The following PCDHA4 variants were observed in gnomAD, a reference collection of about 807,000 sequenced individuals.
PCDHA4 encodes protocadherin alpha-4.
PCDHA4 carries 49 observed loss-of-function variants against 61.4 expected under a neutral mutation model. That is an observed-to-expected ratio of 0.80 (90% confidence interval 0.63 to 1.01). The LOEUF is 1.01. Among genes scored for constraint, PCDHA4 ranks in the 50% least tolerant of loss-of-function variants. PCDHA4 has a pLI of 0.00. For synonymous variants in PCDHA4, 590 were observed against 550.3 expected, an observed-to-expected ratio of 1.07 and a Z score of -1.01; for missense variants, 1,254 against 1,235.8, an observed-to-expected ratio of 1.01 and a Z score of -0.22.
chr5:140,992,116 T>A (rs1279382326), intron 3 of PCDHA4, among the ~76,000 whole-genome samples: 1 of 151,688 alleles, frequency 6.6e-6, no homozygotes, highest in Non-Finnish European at 1.5e-5. Context: ...AGATGTGTCA[T>A]GGAAGAACAG....
At chr5:140,877,030 C>G (rs1554169262) in intron 1 of PCDHA4, 5 of 1,612,300 alleles carry the variant, frequency 3.1e-6, no homozygotes, top group Non-Finnish European at 3.4e-6. Context: ...GGTGTACGCG[C>G]TGCAGCCGCT....
chr5:140,982,943 A>G (rs2097017074), intron 3 of PCDHA4, among the ~76,000 whole-genome samples: 1 of 151,992 alleles, frequency 6.6e-6, no homozygotes, highest in Admixed American at 6.5e-5. Flanking sequence ...CTTTTGGTTG[A>G]AGACTATGGA....
Position 140,877,000 on chromosome 5 carries a change from G to A in PCDHA4, c.2385+67428G>A, listed in dbSNP as rs191376557. The stretch of plus-strand genomic sequence containing the variant: ...GCACGCACTGTCGAGCTACGTGTCG[G>A]TGCACGCGGAGAGCGGCAAGGTGTA... On this transcript the variant is annotated intron_variant, in intron 1 of 3. Transcript: ENST00000530339. 1.7e-3 allele frequency: 2,818 copies of A among 1,612,598 alleles called. 5 individuals carry two copies. The highest frequency in any genetic ancestry group is 1.8e-3 in the Non-Finnish European group (2,166 of 1,179,806).
At chr5:140,926,281 T>A (rs2083071196) in intron 1 of PCDHA4, 1 of 152,306 alleles carries the variant, frequency 6.6e-6, no homozygotes, top group African/African-American at 2.4e-5. Context: ...GCTCGGCAGC[T>A]CCACGCTGAG....
At position 140,852,924 on chromosome 5, in the gene PCDHA4, G is replaced by C. The variant is rs1007993116; in HGVS notation, c.2385+43352G>C. On this transcript the variant is annotated intron_variant, in intron 1 of 3. Coordinates refer to ENST00000530339, the MANE Select transcript of PCDHA4 (RefSeq NM_018907.4). ...GTCAGAGTCTCGCTCTGTTGCCCAG[G>C]CTGGAGTGCAGTGGTGCCATCTTGG... The C allele has an allele frequency of 2.7e-5, 19 of 707,974 alleles. 2 individuals are homozygous for C. Among genetic ancestry groups the C allele is most frequent in the Admixed American group, 2.6e-4 (4 of 15,396 alleles). The allele number at this position is 707,974 out of a possible 1,614,324, so 43.9% of individuals were successfully genotyped here.
At chr5:140,889,331 T>A (rs2153427061) in intron 1 of PCDHA4, among the ~76,000 whole-genome samples, 1 of 152,216 alleles carries the variant, frequency 6.6e-6, no homozygotes, top group Middle Eastern at 3.4e-3. Flanking sequence ...ATCAGGATTT[T>A]GATTGGTGGG....
At chr5:140,966,851 C>T (rs782524148) in intron 1 of PCDHA4, 15 of 1,573,232 alleles carry the variant, frequency 9.5e-6, no homozygotes, top group Middle Eastern at 1.7e-4. Context: ...ACTGCCTCTC[C>T]TGCTGCTGTT....
intron 1 of PCDHA4, among the ~76,000 whole-genome samples, chr5:140,838,757 T>C (rs2150292205): frequency 1.3e-5 from 2 of 151,922 alleles, no homozygotes; most frequent in African/African-American, 2.4e-5. Context: ...GCATCTTTTG[T>C]AGAGACTTTG....
At chr5:141,002,312 C>T (rs1171531371) in intron 3 of PCDHA4, among the ~76,000 whole-genome samples, 1 of 152,230 alleles carries the variant, frequency 6.6e-6, no homozygotes, top group East Asian at 1.9e-4. Flanking sequence ...GGGGCCGAAA[C>T]CTGGAGGCCG....
rs2098422397 is a variant in PCDHA4 at position 141,011,934 on chromosome 5, T to C, written c.*1997T>C. The C allele has an allele frequency of 6.5e-6, 1 of 153,836 alleles. No homozygotes were observed. The highest frequency in any genetic ancestry group is 6.5e-5 in the Admixed American group (1 of 15,306). The allele number at this position is 153,836 out of a possible 1,614,324, so 9.5% of individuals were successfully genotyped here. On this transcript the variant is annotated 3_prime_UTR_variant, in exon 4 of 4. Transcript: ENST00000530339. ...TAATATAAAAGAGGTAGGAGTCTGT[T>C]ATTTAAAAAAAGCATTAAATTTAAA...
At chr5:140,999,263 A>G (rs566864160) in intron 3 of PCDHA4, among the ~76,000 whole-genome samples, 3 of 152,346 alleles carry the variant, frequency 2.0e-5, no homozygotes, top group East Asian at 1.9e-4. Context: ...TAGTAAAGGA[A>G]TACTGCATAG....
rs114742019 is a variant in PCDHA4, at chr5:140,911,730, G to A, written c.2386-67219G>A. Among the ~76,000 whole-genome samples the A allele has an allele frequency of 8.1e-3, 1,236 of 152,190 alleles. 6 individuals carry two copies. The highest frequency in any genetic ancestry group is 0.019 in the African/African-American group (801 of 41,524). ...TTTTGTGTAACTCTGTAAACAGTTC[G>A]TGCCAAGGACTATCAGTGTTCTCCA... is the stretch of plus-strand genomic sequence containing the variant. On this transcript the variant is annotated intron_variant, in intron 1 of 3. Coordinates refer to ENST00000530339, the MANE Select transcript of PCDHA4 (RefSeq NM_018907.4).
At chr5:140,950,821 G>T (rs1361371532) in intron 1 of PCDHA4, among the ~76,000 whole-genome samples, 8 of 152,020 alleles carry the variant, frequency 5.3e-5, no homozygotes, top group Non-Finnish European at 4.4e-5. Context: ...TAGGGTTAAA[G>T]TTTGGTCCTT....
chr5:140,909,411 CATTTGG>C (rs2074480921), intron 1 of PCDHA4, among the ~76,000 whole-genome samples: 2 of 152,142 alleles, frequency 1.3e-5, no homozygotes, highest in African/African-American at 4.8e-5. Flanking sequence ...TTGCAGTTAC[CATTTGG>C]TTAAACTTAT....
At chr5:140,840,691 C>G (rs2150308754) in intron 1 of PCDHA4, among the ~76,000 whole-genome samples, 2 of 151,924 alleles carry the variant, frequency 1.3e-5, no homozygotes, top group Non-Finnish European at 2.9e-5. Context: ...GTAAATAAAA[C>G]GGTTCAGGCA....
At chr5:140,968,580 C>T (rs782395602) in intron 1 of PCDHA4, 1 of 1,614,218 alleles carries the variant, frequency 6.2e-7, no homozygotes, top group Admixed American at 1.7e-5. Context: ...TACCTGGTCA[C>T]CAAAGTCATA....
chr5:140,856,185 G>C, intron 1 of PCDHA4: 1 of 1,598,160 alleles, frequency 6.3e-7, no homozygotes. Context: ...TTCGTGGGCC[G>C]CATCGCGCAG....
intron 1 of PCDHA4, chr5:140,835,704 G>A (rs2150242538): frequency 3.1e-6 from 5 of 1,613,772 alleles, no homozygotes; most frequent in Admixed American, 3.3e-5. Context: ...CACTGCTAGC[G>A]TGTCCGTGGA....
intron 1 of PCDHA4, among the ~76,000 whole-genome samples, chr5:140,904,727 A>G (rs953402398): frequency 7.2e-5 from 11 of 151,992 alleles, no homozygotes; most frequent in African/African-American, 2.4e-4. Flanking sequence ...GCCAACATCT[A>G]TTATTTTTTT....
Sources: allele counts gnomAD v4.1 joint callset (sites outside exome capture counted in the v4.1 genomes callset), GRCh38; gene constraint gnomAD v4.1.1; transcripts MANE v1.5; gene names NCBI Gene and HGNC (gene_info 2026-07-23, HGNC 2026-07-21).